The following SNTG2 variants were observed in gnomAD, a reference collection of about 807,000 sequenced individuals.
The protein encoded by SNTG2 is gamma-2-syntrophin.
A neutral mutation model predicts 70.9 loss-of-function variants in SNTG2; 74 were observed. The ratio of observed to expected loss-of-function variants is 1.04; its 90% CI spans 0.86 to 1.27. SNTG2 has a LOEUF of 1.27. Ranked by LOEUF, SNTG2 falls within the 50% of genes most tolerant of loss-of-function variation. The pLI is 0.00. For missense variants in SNTG2, 717 were observed against 690.7 expected (o/e 1.04, Z -0.43); for synonymous variants, 278 against 273.8 (o/e 1.02, Z -0.15).
intron 14 of SNTG2, among the ~76,000 whole-genome samples, chr2:1,279,500 C>T (rs139138242): frequency 6.6e-6 from 1 of 152,274 alleles, no homozygotes; most frequent in East Asian, 1.9e-4. Flanking sequence ...CTTGGAGGAG[C>T]GGGGGCTCCC....
intron 1 of SNTG2, among the ~76,000 whole-genome samples, chr2:997,207 G>A (rs1256373486): frequency 4.6e-5 from 7 of 152,218 alleles, no homozygotes; most frequent in Non-Finnish European, 1.0e-4. Flanking sequence ...ATGAGAACAT[G>A]TACTGGGGGC....
At chr2:1,016,273 G>A (rs1486920031) in intron 1 of SNTG2, among the ~76,000 whole-genome samples, 3 of 152,006 alleles carry the variant, frequency 2.0e-5, no homozygotes, top group Non-Finnish European at 2.9e-5. Flanking sequence ...ACGGAGTCTC[G>A]CTCTGTCACC....
At chr2:1,180,791 C>T (rs1387913999) in intron 8 of SNTG2, among the ~76,000 whole-genome samples, 3 of 151,990 alleles carry the variant, frequency 2.0e-5, no homozygotes. Context: ...TGGCACTATT[C>T]ACAATAGCGA....
In SNTG2 at chr2:1,021,936, C is replaced by CTTTTTTT. The variant is rs71392556; in HGVS notation, c.73-61569_73-61563dup. Among the ~76,000 whole-genome samples, 224 of 121,086 alleles carry CTTTTTTT rather than the reference C, an allele frequency of 1.8e-3. 2 individuals are homozygous for CTTTTTTT. The highest frequency in any genetic ancestry group is 2.4e-3 in the Non-Finnish European group (148 of 60,950). The allele number at this position is 121,086 out of a possible 152,430, so 79.4% of individuals were successfully genotyped here. On this transcript the variant is annotated intron_variant, in intron 1 of 16. Coordinates refer to ENST00000308624, the MANE Select transcript of SNTG2 (RefSeq NM_018968.4). ...CCTGGCTTGAATTTTGTTTTATGTG[C>CTTTTTTT]TTTTTTTTTTTTTTTTTTTAGTGAA...
intron 1 of SNTG2, among the ~76,000 whole-genome samples, chr2:1,072,532 G>T (rs1663646631): frequency 6.6e-6 from 1 of 151,806 alleles, no homozygotes; most frequent in Non-Finnish European, 1.5e-5. Flanking sequence ...AGAAAAAAAA[G>T]ATATCTTTCA....
chr2:1,302,195 G>A (rs145504655), intron 14 of SNTG2, among the ~76,000 whole-genome samples: 241 of 152,176 alleles, frequency 1.6e-3, no homozygotes, highest in African/African-American at 5.2e-3. Context: ...TCCTGAGCTC[G>A]TGATCCTCCC....
At chr2:1,092,043 C>G (rs1054162774) in intron 2 of SNTG2, among the ~76,000 whole-genome samples, 2 of 152,184 alleles carry the variant, frequency 1.3e-5, no homozygotes, top group African/African-American at 4.8e-5. Flanking sequence ...GAATGTCCAA[C>G]TCTGTGGAAG....
At chr2:1,166,774 C>G (rs921265486) in intron 7 of SNTG2, among the ~76,000 whole-genome samples, 7 of 152,188 alleles carry the variant, frequency 4.6e-5, no homozygotes, top group Non-Finnish European at 8.8e-5. Context: ...TATAACAACC[C>G]CAAGACCCTA....
At chr2:1,076,627 A>G (rs1393518444) in intron 1 of SNTG2, among the ~76,000 whole-genome samples, 2 of 152,236 alleles carry the variant, frequency 1.3e-5, no homozygotes, top group Admixed American at 6.5e-5. Flanking sequence ...CTATGCTTCC[A>G]ACAAAGACAT....
At chr2:1,230,084 A>C (rs1676105480) in intron 9 of SNTG2, among the ~76,000 whole-genome samples, 1 of 152,256 alleles carries the variant, frequency 6.6e-6, no homozygotes. Context: ...AGTGCTGCCA[A>C]GGTGGGAGCC....
intron 8 of SNTG2, among the ~76,000 whole-genome samples, chr2:1,201,173 A>G (rs114430293): frequency 1.9e-3 from 295 of 152,194 alleles, no homozygotes; most frequent in Non-Finnish European, 3.5e-3. Flanking sequence ...TGAATAGATA[A>G]GAAAAATATG....
At chr2:1,283,212 G>T (rs1009266477) in intron 14 of SNTG2, among the ~76,000 whole-genome samples, 1 of 152,074 alleles carries the variant, frequency 6.6e-6, no homozygotes, top group Admixed American at 6.6e-5. Flanking sequence ...CTCCTCAGCC[G>T]CATCCCTGCA....
chr2:1,322,448 G>A (rs1203105728), intron 16 of SNTG2, among the ~76,000 whole-genome samples: 1 of 152,160 alleles, frequency 6.6e-6, no homozygotes, highest in East Asian at 1.9e-4. Context: ...AGGTTGAAAG[G>A]GAATGGAGCT....
chr2:1,168,319 GC>G (rs556714746), intron 7 of SNTG2, among the ~76,000 whole-genome samples: 76 of 152,224 alleles, frequency 5.0e-4, no homozygotes, highest in African/African-American at 1.6e-3. Flanking sequence ...AAGCCTACAG[GC>G]CGCCCACAGA....
chr2:996,126 T>G (rs1033653162), intron 1 of SNTG2, among the ~76,000 whole-genome samples: 3 of 152,166 alleles, frequency 2.0e-5, no homozygotes, highest in Non-Finnish European at 4.4e-5. Context: ...TACTCTCAAC[T>G]TGTGATTGCA....
intron 8 of SNTG2, among the ~76,000 whole-genome samples, chr2:1,178,447 G>A (rs1220650106): frequency 1.3e-5 from 2 of 151,584 alleles, no homozygotes; most frequent in South Asian, 2.1e-4. Flanking sequence ...GTTTGTCATA[G>A]ATAGCTCTTA....
At chr2:1,232,302 A>G (rs2148079951) in intron 9 of SNTG2, among the ~76,000 whole-genome samples, 1 of 152,156 alleles carries the variant, frequency 6.6e-6, no homozygotes, top group South Asian at 2.1e-4. Flanking sequence ...TCTGGTAAAA[A>G]TGACTTTTTT....
chr2:1,247,146 A>G (rs1240106351), intron 11 of SNTG2, among the ~76,000 whole-genome samples, 181 bp from the exon 12 acceptor site: 1 of 152,220 alleles, frequency 6.6e-6, no homozygotes, highest in African/African-American at 2.4e-5. Flanking sequence ...TTAATTCAAG[A>G]TGTGATTCAT....
At chr2:1,138,651 A>C (rs1668556706) in intron 6 of SNTG2, among the ~76,000 whole-genome samples, 1 of 152,164 alleles carries the variant, frequency 6.6e-6, no homozygotes, top group African/African-American at 2.4e-5. Context: ...AGTGGAGCCG[A>C]GTCCAGGACA....
Sources: allele counts gnomAD v4.1 joint callset (sites outside exome capture counted in the v4.1 genomes callset), GRCh38; gene constraint gnomAD v4.1.1; transcripts MANE v1.5; gene names NCBI Gene and HGNC (gene_info 2026-07-23, HGNC 2026-07-21).